PRKAR2B: variants seen among roughly 807,000 people sequenced by gnomAD.
PRKAR2B encodes the protein protein kinase cAMP-dependent type II regulatory subunit beta, also known as cAMP-dependent protein kinase type II-beta regulatory subunit.
A neutral mutation model predicts 49.9 loss-of-function variants in PRKAR2B; 14 were observed. That is an observed-to-expected ratio of 0.28 (90% CI 0.19 to 0.44). The LOEUF is 0.44. Among genes scored for constraint, PRKAR2B ranks in the 20% least tolerant of loss-of-function variants. The probability of loss-of-function intolerance (pLI) is 1.00; values close to 1 mark genes in which losing one functional copy is unlikely to be tolerated. For synonymous variants in PRKAR2B, 196 were observed against 197.7 expected, an observed-to-expected ratio of 0.99 and a Z score of 0.07; for missense variants, 393 against 537.9, an observed-to-expected ratio of 0.73 and a Z score of 2.67.
intron 1 of PRKAR2B, among the ~76,000 whole-genome samples, chr7:107,068,284 G>C (rs1053769117): frequency 6.6e-6 from 1 of 152,100 alleles, no homozygotes. Context: ...GGGCAGGGGG[G>C]CAGAGAATGT....
intron 2 of PRKAR2B, among the ~76,000 whole-genome samples, chr7:107,080,174 A>C (rs1794488992): frequency 6.6e-6 from 1 of 152,100 alleles, no homozygotes; most frequent in Non-Finnish European, 1.5e-5. Context: ...AGGAGCACAG[A>C]GGTTTCAGTG....
At chr7:107,111,961 A>G (rs889270675) in intron 2 of PRKAR2B, among the ~76,000 whole-genome samples, 1 of 139,670 alleles carries the variant, frequency 7.2e-6, no homozygotes, top group African/African-American at 2.6e-5. Context: ...GAGCCGAGGA[A>G]TTCATGACCA....
intron 1 of PRKAR2B, among the ~76,000 whole-genome samples, chr7:107,063,369 A>G (rs1054151211): frequency 6.6e-6 from 1 of 152,116 alleles, no homozygotes; most frequent in Non-Finnish European, 1.5e-5. Flanking sequence ...TTTGAACCTA[A>G]TATATATTGT....
At chr7:107,145,401 G>T (rs1313116639) in intron 5 of PRKAR2B, among the ~76,000 whole-genome samples, 1 of 152,158 alleles carries the variant, frequency 6.6e-6, no homozygotes, top group Non-Finnish European at 1.5e-5. Flanking sequence ...AATTGCTATA[G>T]CTAGATTCTT....
chr7:107,116,564 G>A (rs1795276894), intron 2 of PRKAR2B, among the ~76,000 whole-genome samples: 1 of 151,968 alleles, frequency 6.6e-6, no homozygotes, highest in Admixed American at 6.6e-5. Context: ...TAGATGCTTT[G>A]CATTATCCCT....
intron 2 of PRKAR2B, among the ~76,000 whole-genome samples, chr7:107,079,269 A>G (rs1243042990): frequency 6.6e-6 from 1 of 152,174 alleles, no homozygotes; most frequent in Non-Finnish European, 1.5e-5. Flanking sequence ...TGCCACAGCA[A>G]TATCAAATTG....
intron 4 of PRKAR2B, among the ~76,000 whole-genome samples, chr7:107,135,542 A>G (rs953439550): frequency 6.6e-6 from 1 of 152,206 alleles, no homozygotes; most frequent in Non-Finnish European, 1.5e-5. Flanking sequence ...TACAAGGTTA[A>G]TATACAAAAG....
chr7:107,141,972 C>T (rs1377471592), intron 5 of PRKAR2B, among the ~76,000 whole-genome samples: 1 of 152,172 alleles, frequency 6.6e-6, no homozygotes, highest in East Asian at 1.9e-4. Context: ...ATAGATGAAT[C>T]CTGAAATCTA....
rs1795472099 is a variant in PRKAR2B at position 107,125,840 on chromosome 7, G to C, written c.397-2372G>C. On this transcript the variant is annotated intron_variant, in intron 3 of 10. Coordinates refer to ENST00000265717, the MANE Select transcript of PRKAR2B (RefSeq NM_002736.3). ...GCAGCGGCTCATGCCTGTAATCTTA[G>C]CAGTTTGGGAGGCCAAGGCGGGTGG... Among the ~76,000 whole-genome samples, 2 of 152,060 alleles carry C rather than the reference G, an allele frequency of 1.3e-5. 1 individual carries two copies. Among genetic ancestry groups the C allele is most frequent in the South Asian group, 4.1e-4 (2 of 4,824 alleles).
chr7:107,123,319 C>G (rs1306312002), intron 3 of PRKAR2B, among the ~76,000 whole-genome samples: 3 of 152,140 alleles, frequency 2.0e-5, no homozygotes, highest in African/African-American at 7.2e-5. Context: ...AGTGTTTTGG[C>G]AGGTTCACTC....
At chr7:107,125,816 C>T (rs533490133) in intron 3 of PRKAR2B, among the ~76,000 whole-genome samples, 17 of 152,160 alleles carry the variant, frequency 1.1e-4, no homozygotes, top group African/African-American at 3.9e-4. Context: ...GGGCTGGGTG[C>T]AGCGGCTCAT....
At chr7:107,106,130 C>T (rs916933404) in intron 2 of PRKAR2B, among the ~76,000 whole-genome samples, 5 of 152,120 alleles carry the variant, frequency 3.3e-5, no homozygotes, top group Admixed American at 3.3e-4. Context: ...ACCAAACAGC[C>T]CTGGAACAGA....
At chr7:107,154,082 G>A (rs898981635) in intron 8 of PRKAR2B, among the ~76,000 whole-genome samples, 1 of 152,174 alleles carries the variant, frequency 6.6e-6, no homozygotes, top group African/African-American at 2.4e-5. Flanking sequence ...TGCTGAGTGT[G>A]TGTGTGTGTA....
intron 1 of PRKAR2B, among the ~76,000 whole-genome samples, chr7:107,050,085 T>C (rs535628731): frequency 6.6e-6 from 1 of 152,146 alleles, no homozygotes; most frequent in Non-Finnish European, 1.5e-5. Flanking sequence ...AAACCCCTTC[T>C]CTTACCATCT....
intron 1 of PRKAR2B, among the ~76,000 whole-genome samples, chr7:107,051,706 A>T (rs1793807253): frequency 6.6e-6 from 1 of 152,212 alleles, no homozygotes; most frequent in African/African-American, 2.4e-5. Context: ...ATGTTTCAGC[A>T]ATAGGCTCTG....
At chr7:107,083,962 G>A (rs1205235407) in intron 2 of PRKAR2B, among the ~76,000 whole-genome samples, 2 of 152,136 alleles carry the variant, frequency 1.3e-5, no homozygotes, top group South Asian at 2.1e-4. Context: ...TAGTAGGACC[G>A]TCACAGTCTT....
intron 2 of PRKAR2B, among the ~76,000 whole-genome samples, chr7:107,075,228 G>A (rs1794373958): frequency 6.7e-6 from 1 of 149,868 alleles, no homozygotes. Flanking sequence ...TCAGCCTCCT[G>A]AGTAGCTGGG....
At chr7:107,131,602 A>G (rs1431266482) in intron 4 of PRKAR2B, among the ~76,000 whole-genome samples, 4 of 152,208 alleles carry the variant, frequency 2.6e-5, no homozygotes, top group Non-Finnish European at 5.9e-5. Context: ...ATGTATATAC[A>G]TAGTAGTTTT....
chr7:107,113,912 G>A (rs1385039015), intron 2 of PRKAR2B, among the ~76,000 whole-genome samples: 3 of 152,274 alleles, frequency 2.0e-5, no homozygotes, highest in East Asian at 3.9e-4. Flanking sequence ...TACTCATGAT[G>A]TATGAACAGT....
Sources: gnomAD v4.1 joint callset for allele counts (sites outside exome capture counted in the v4.1 genomes callset) on GRCh38, gnomAD v4.1.1 for gene constraint, MANE v1.5 for transcripts, NCBI Gene and HGNC (gene_info 2026-07-23, HGNC 2026-07-21) for gene names.